Variants in GLO1 observed in about 807,000 individuals in gnomAD.
GLO1 encodes the protein lactoylglutathione lyase.
Under a neutral mutation model 26.0 loss-of-function variants are expected in GLO1, and 28 were observed. The ratio of observed to expected loss-of-function variants is 1.08; its 90% CI spans 0.80 to 1.48. The LOEUF is 1.48. Ranked by LOEUF, GLO1 falls within the 40% of genes most tolerant of loss-of-function variation. The pLI, the probability that GLO1 is intolerant of heterozygous loss-of-function variation, is 0.00. For missense variants in GLO1, 225 were observed against 224.8 expected, an observed-to-expected ratio of 1.00 and a Z score of -0.01; for synonymous variants, 78 against 77.6, an observed-to-expected ratio of 1.00 and a Z score of -0.03.
intron 5 of GLO1, among the ~76,000 whole-genome samples, chr6:38,680,857 G>T (rs1456886281): frequency 6.6e-6 from 1 of 152,176 alleles, no homozygotes; most frequent in Non-Finnish European, 1.5e-5. Flanking sequence ...CAGTGCCATT[G>T]CAGCACCCCA....
chr6:38,701,957 G>A (rs921669766), intron 1 of GLO1, among the ~76,000 whole-genome samples: 2 of 143,800 alleles, frequency 1.4e-5, no homozygotes, highest in African/African-American at 5.2e-5. Context: ...TTTAGACAGA[G>A]TCTCACTCTG....
intron 1 of GLO1, among the ~76,000 whole-genome samples, chr6:38,691,071 C>T (rs2127547609): frequency 6.6e-6 from 1 of 152,274 alleles, no homozygotes; most frequent in South Asian, 2.1e-4. Flanking sequence ...ATGCTCATGT[C>T]TTGTCTCACC....
intron 2 of GLO1, among the ~76,000 whole-genome samples, chr6:38,686,003 C>T (rs1761455486): frequency 6.6e-6 from 1 of 152,144 alleles, no homozygotes. Flanking sequence ...GAAGACTGAA[C>T]AAAATAACAT....
chr6:38,702,980 G>T lies in GLO1; in HGVS notation c.75C>A (p.Pro25=). 1 of 1,572,094 alleles carries T rather than the reference G, an allele frequency of 6.4e-7. No individual in the cohort carries two copies. The highest frequency in any genetic ancestry group is 8.7e-7 in the Non-Finnish European group (1 of 1,143,756). The change falls in exon 1 of 6, where the codon CCC becomes CCA. Residue 25 remains proline, a synonymous_variant. Coordinates refer to ENST00000373365, the MANE Select transcript of GLO1 (RefSeq NM_006708.3). The part of the protein sequence containing the change: ...AALSCCSDAD[P]STKDFLLQQT... ...TCGGTCCTGTGCCCACCTTGGTACT[G>T]GGGTCCGCGTCGGAGCAGCAACTGA... is the stretch of plus-strand genomic sequence containing the variant.
chr6:38,679,518 G>T (rs190985242), intron 5 of GLO1, among the ~76,000 whole-genome samples: 1 of 152,090 alleles, frequency 6.6e-6, no homozygotes, highest in Non-Finnish European at 1.5e-5. Flanking sequence ...ATGACCGGCC[G>T]GGTGTGGTGG....
At chr6:38,693,596 T>A (rs1761560624) in intron 1 of GLO1, among the ~76,000 whole-genome samples, 1 of 151,770 alleles carries the variant, frequency 6.6e-6, no homozygotes, top group South Asian at 2.1e-4. Flanking sequence ...ATGTATGCAG[T>A]CAGTGCTATA....
intron 1 of GLO1, among the ~76,000 whole-genome samples, chr6:38,691,520 G>A (rs991490045): frequency 2.6e-5 from 4 of 151,974 alleles, no homozygotes; most frequent in African/African-American, 9.7e-5. Context: ...CATTGGCCAG[G>A]CTGATCTCAA....
chr6:38,693,000 G>A (rs13219781), intron 1 of GLO1, among the ~76,000 whole-genome samples: 11,510 of 151,840 alleles, frequency 0.076, 614 homozygotes, highest in Middle Eastern at 0.18. Flanking sequence ...TTCTTGTACT[G>A]TCTTCATTTG....
At chr6:38,689,260 T>C (rs1761499772) in intron 1 of GLO1, among the ~76,000 whole-genome samples, 1 of 152,232 alleles carries the variant, frequency 6.6e-6, no homozygotes, top group South Asian at 2.1e-4. Flanking sequence ...AAGTCGGACC[T>C]CTAGCCTATG....
chr6:38,679,305 A>AC (rs1465702137), intron 5 of GLO1, among the ~76,000 whole-genome samples: 1 of 151,846 alleles, frequency 6.6e-6, no homozygotes, highest in Admixed American at 6.6e-5. Flanking sequence ...TTAAAAAAAA[A>AC]CCTTTTTGTA....
intron 1 of GLO1, among the ~76,000 whole-genome samples, chr6:38,691,964 T>C (rs922422192): frequency 1.3e-5 from 2 of 152,208 alleles, no homozygotes; most frequent in African/African-American, 4.8e-5. Flanking sequence ...CACAGAGTAG[T>C]GATTACTGTA....
Position 38,684,463 on chromosome 6 carries a change from C to G in GLO1, c.219G>C (p.Leu73Phe). 2 of 1,566,116 alleles carry G rather than the reference C, an allele frequency of 1.3e-6. No homozygotes were observed. The highest frequency in any genetic ancestry group is 1.7e-6 in the Non-Finnish European group (2 of 1,154,192). ...GGATGTCATTTTTATCCTCATAAGCCAAGAAGTAGAGTGAAAACTTCATAA... is the reference window on the plus strand; with the variant it reads ...GGATGTCATTTTTATCCTCATAAGCGAAGAAGTAGAGTGAAAACTTCATAA... ...FPIMKFSLYFLAYEDKNDIPK... is the reference protein window; with the variant it reads ...FPIMKFSLYFFAYEDKNDIPK... Residue 73 changes from leucine to phenylalanine, a missense_variant, in exon 3 of 6, where the codon TTG becomes TTC. Transcript: ENST00000373365.
chr6:38,693,923 G>C (rs1761571098), intron 1 of GLO1, among the ~76,000 whole-genome samples: 1 of 151,974 alleles, frequency 6.6e-6, no homozygotes, highest in Non-Finnish European at 1.5e-5. Context: ...TGTTAGCCAG[G>C]ATGGTCTCGA....
chr6:38,701,103 T>C (rs373816225), intron 1 of GLO1, among the ~76,000 whole-genome samples: 2 of 150,494 alleles, frequency 1.3e-5, no homozygotes, highest in Non-Finnish European at 2.9e-5. Flanking sequence ...TTATTTTCCT[T>C]TATGGCAAAT....
chr6:38,697,524 T>G (rs1026992582), intron 1 of GLO1, among the ~76,000 whole-genome samples: 21 of 152,170 alleles, frequency 1.4e-4, no homozygotes, highest in African/African-American at 4.8e-4. Flanking sequence ...AAGGGACAGT[T>G]ATAAGAGTCA....
intron 5 of GLO1, among the ~76,000 whole-genome samples, chr6:38,679,583 G>A (rs2490023): frequency 6.6e-6 from 1 of 152,068 alleles, no homozygotes; most frequent in Non-Finnish European, 1.5e-5. Flanking sequence ...ATCACTTGAG[G>A]CCAGGAGTTT....
chr6:38,697,699 A>G (rs1761632048), intron 1 of GLO1, among the ~76,000 whole-genome samples: 1 of 152,230 alleles, frequency 6.6e-6, no homozygotes, highest in Admixed American at 6.5e-5. Context: ...AATTTTCATA[A>G]AAGGGGAAAG....
intron 5 of GLO1, among the ~76,000 whole-genome samples, chr6:38,678,208 T>G (rs986764630): frequency 6.6e-6 from 1 of 152,050 alleles, no homozygotes; most frequent in African/African-American, 2.4e-5. Flanking sequence ...CCTCAGAAAT[T>G]TATTTGGGGA....
intron 1 of GLO1, among the ~76,000 whole-genome samples, chr6:38,692,362 C>T (rs144764686): frequency 2.7e-4 from 41 of 152,098 alleles, no homozygotes; most frequent in Admixed American, 2.4e-3. Context: ...TATATAGAAA[C>T]GCGATTGATT....
Sources: gnomAD v4.1 joint callset for allele counts (sites outside exome capture counted in the v4.1 genomes callset) on GRCh38, gnomAD v4.1.1 for gene constraint, MANE v1.5 for transcripts, NCBI Gene and HGNC (gene_info 2026-07-23, HGNC 2026-07-21) for gene names.